Variants in RRP1B observed in about 807,000 individuals in gnomAD.
RRP1B encodes the protein ribosomal RNA processing protein 1 homolog B.
Under a neutral mutation model 80.2 loss-of-function variants are expected in RRP1B, and 56 were observed. The ratio of observed to expected loss-of-function variants is 0.70; its 90% CI spans 0.56 to 0.87. The LOEUF (loss-of-function observed/expected upper bound fraction) is 0.87. Among genes scored for constraint, RRP1B ranks in the 40% least tolerant of loss-of-function variants. The pLI, the probability that RRP1B is intolerant of heterozygous loss-of-function variation, is 0.00. For missense variants in RRP1B, 807 were observed against 939.8 expected (o/e 0.86, Z 1.85); for synonymous variants, 351 against 357.6 (o/e 0.98, Z 0.21).
chr21:43,662,761 C>CATAT (rs1253640055), intron 1 of RRP1B, among the ~76,000 whole-genome samples: 2 of 152,222 alleles, frequency 1.3e-5, no homozygotes, highest in Non-Finnish European at 1.5e-5. Flanking sequence ...TTCATTCATT[C>CATAT]ATATATTTAG....
At chr21:43,664,371 A>G (rs1396337223) in intron 1 of RRP1B, among the ~76,000 whole-genome samples, 1 of 152,172 alleles carries the variant, frequency 6.6e-6, no homozygotes, top group Non-Finnish European at 1.5e-5. Flanking sequence ...AACAAAATGT[A>G]AAATGTATTC....
Position 43,690,532 on chromosome 21 carries a change from C to T in RRP1B, c.2019+92C>T, listed in dbSNP as rs2083082345. On this transcript the variant is annotated intron_variant, in intron 14 of 15. Transcript: ENST00000340648. ...AGTGCTTCCCATGCCGGGCCTGGAG[C>T]CCCACTGTGGCCCTCTGAGCCTGTC... is the stretch of plus-strand genomic sequence containing the variant. The T allele has an allele frequency of 2.8e-6, 4 of 1,435,612 alleles. No homozygotes were observed. In the East Asian group the frequency reaches 6.9e-5, roughly 25 times the overall value. The allele number at this position is 1,435,612 out of a possible 1,614,324, so 88.9% of individuals were successfully genotyped here.
intron 13 of RRP1B, among the ~76,000 whole-genome samples, chr21:43,689,144 C>G (rs892419405): frequency 3.9e-5 from 6 of 152,270 alleles, no homozygotes; most frequent in Non-Finnish European, 4.4e-5. Context: ...CGTAGTGTCA[C>G]TGCAACAGAG....
chr21:43,671,077 G>A (rs2082997538), intron 2 of RRP1B, among the ~76,000 whole-genome samples: 1 of 152,192 alleles, frequency 6.6e-6, no homozygotes, highest in Admixed American at 6.5e-5. Context: ...CGGGTGTGGT[G>A]TGAGTCAGAC....
intron 3 of RRP1B, among the ~76,000 whole-genome samples, chr21:43,672,991 GAAAT>G (rs1568956118): frequency 6.6e-6 from 1 of 152,118 alleles, no homozygotes; most frequent in Non-Finnish European, 1.5e-5. Context: ...TGTGCAAAAA[GAAAT>G]AAAGCCAAAA....
In RRP1B at chr21:43,691,457, A is replaced by G; in HGVS notation, c.2038A>G (p.Ser680Gly). 4 of 1,614,006 alleles carry G rather than the reference A, an allele frequency of 2.5e-6. No individual in the cohort carries two copies. Among genetic ancestry groups the G allele is most frequent in the Admixed American group, 1.7e-5 (1 of 60,022 alleles). ...PAVQLNKTPSSSKKVTFGLNR... is the reference protein window; with the variant it reads ...PAVQLNKTPSGSKKVTFGLNR... Reference sequence around the variant, plus strand: ...TCTGCAGCTAAACAAGACACCATCCAGCTCCAAGAAAGTCACCTTTGGGCT... The same window carrying G: ...TCTGCAGCTAAACAAGACACCATCCGGCTCCAAGAAAGTCACCTTTGGGCT... Residue 680 changes from serine (S) to glycine (G), a missense_variant, in exon 15 of 16, where the codon AGC becomes GGC. Ser to Gly is a moderately conservative substitution (Grantham distance 56). Transcript: ENST00000340648. This position sits in a 1 kb window ranked among gnomAD's most constrained non-coding sequence, Gnocchi z 4.2.
At chr21:43,684,433 G>A in intron 9 of RRP1B, 120 bp from the exon 10 acceptor site, 2 of 834,228 alleles carry the variant, frequency 2.4e-6, no homozygotes, top group Non-Finnish European at 2.0e-6. Context: ...GCACAAGCTT[G>A]TTTAGCCTAT....
At chr21:43,663,172 C>T (rs895127249) in intron 1 of RRP1B, among the ~76,000 whole-genome samples, 2 of 152,160 alleles carry the variant, frequency 1.3e-5, no homozygotes, top group African/African-American at 2.4e-5. Flanking sequence ...GGGCTCATTG[C>T]GTGGTGAGAG....
At chr21:43,660,774 TG>T (rs566192777) in intron 1 of RRP1B, among the ~76,000 whole-genome samples, 3 of 151,890 alleles carry the variant, frequency 2.0e-5, no homozygotes, top group Admixed American at 6.6e-5. Context: ...AAGTTGGGGT[TG>T]GGGGGGCGAG....
rs974275180 is a variant in RRP1B at position 43,695,455 on chromosome 21, A to G, written c.*2072A>G. On this transcript the variant is annotated 3_prime_UTR_variant, in exon 16 of 16. Transcript: ENST00000340648. ...CTGAGAGGTCCCGGCTGGGAGTGAC[A>G]GGGTGCTTCTTAGATTCTATTGGTC... 3 of 152,368 alleles carry G rather than the reference A, an allele frequency of 2.0e-5. No homozygotes were observed. Among genetic ancestry groups the G allele is most frequent in the East Asian group, 1.9e-4 (1 of 5,194 alleles). The allele number at this position is 152,368 out of a possible 1,614,324, so 9.4% of individuals were successfully genotyped here. A position where few individuals can be genotyped will look rare whatever the true frequency, so the allele number is the denominator to read the frequency against.
chr21:43,684,134 C>T (rs950812301), intron 9 of RRP1B, among the ~76,000 whole-genome samples: 3 of 148,102 alleles, frequency 2.0e-5, no homozygotes, highest in Admixed American at 6.7e-5. Flanking sequence ...TGCGGTGGCT[C>T]GATCTCGGCT....
At chr21:43,680,597 G>C (rs1346173257) in intron 8 of RRP1B, among the ~76,000 whole-genome samples, 1 of 151,652 alleles carries the variant, frequency 6.6e-6, no homozygotes, top group African/African-American at 2.4e-5. Context: ...GTCTTGCTCT[G>C]TTGCCCAGGC....
intron 13 of RRP1B, among the ~76,000 whole-genome samples, chr21:43,689,995 G>A (rs1439517422): frequency 1.3e-5 from 2 of 152,280 alleles, no homozygotes; most frequent in African/African-American, 4.8e-5. Flanking sequence ...TAACAGATCG[G>A]CTTTGAAAGG....
At chr21:43,678,356 G>A (rs2083030245) in intron 8 of RRP1B, among the ~76,000 whole-genome samples, 1 of 152,090 alleles carries the variant, frequency 6.6e-6, no homozygotes, top group Non-Finnish European at 1.5e-5. Context: ...GATGGGGTTT[G>A]ATCATGTTGG....
In RRP1B at chr21:43,688,044, G is replaced by A; in HGVS notation, c.1670G>A (p.Gly557Glu). 1 of 1,612,058 alleles carries A rather than the reference G, an allele frequency of 6.2e-7. No individual in the cohort carries two copies. Among genetic ancestry groups the A allele is most frequent in the Non-Finnish European group, 8.5e-7 (1 of 1,179,418 alleles). ...QEGPPTGPAE[G>E]ANSHTTLPQR... is the part of the protein sequence containing the mutation. ...GGCCCTCCCACAGGCCCCGCAGAGGGGGCGAACAGCCACACCACGCTGCCC... is the reference window on the plus strand; with the variant it reads ...GGCCCTCCCACAGGCCCCGCAGAGGAGGCGAACAGCCACACCACGCTGCCC... Residue 557 changes from glycine to glutamate, a missense_variant, in exon 13 of 16, where the codon GGG (glycine) becomes GAG (glutamate). By Grantham distance (98) the Gly-to-Glu change is moderately conservative. Transcript: ENST00000340648.
intron 8 of RRP1B, 113 bp from the exon 9 acceptor site, chr21:43,683,166 C>A: frequency 1.3e-6 from 1 of 798,330 alleles, no homozygotes; most frequent in Non-Finnish European, 2.0e-6. Flanking sequence ...AGCCACCGTG[C>A]CCAACCTTCT....
At chr21:43,674,733 TA>T in intron 5 of RRP1B, 36 bp downstream of exon 5, 1 of 1,549,862 alleles carries the variant, frequency 6.5e-7, no homozygotes, top group Non-Finnish European at 8.8e-7. Context: ...GTGGTAGCCT[TA>T]AAACTTAAAA....
At chr21:43,681,202 C>T (rs1181191923) in intron 8 of RRP1B, among the ~76,000 whole-genome samples, 1 of 152,032 alleles carries the variant, frequency 6.6e-6, no homozygotes, top group Non-Finnish European at 1.5e-5. Flanking sequence ...AAGATCGTGC[C>T]ACTGCACTCC....
chr21:43,673,842 A>G, intron 3 of RRP1B, 28 bp from the exon 4 acceptor site: 2 of 1,532,212 alleles, frequency 1.3e-6, no homozygotes, highest in Admixed American at 1.7e-5. Flanking sequence ...GTGGAAGCCA[A>G]GTATTTAGAG....
Sources: gnomAD v4.1 joint callset for allele counts (sites outside exome capture counted in the v4.1 genomes callset) on GRCh38, gnomAD v4.1.1 for gene constraint, Gnocchi (gnomAD v3.1) non-coding constraint, MANE v1.5 for transcripts, NCBI Gene and HGNC (gene_info 2026-07-23, HGNC 2026-07-21) for gene names.